The following ADAM22 variants were observed in gnomAD, a reference collection of about 807,000 sequenced individuals.
The protein encoded by ADAM22 is ADAM metallopeptidase domain 22.
ADAM22 carries 65 observed loss-of-function variants against 144.6 expected under a neutral mutation model. The ratio of observed to expected loss-of-function variants is 0.45; its 90% CI spans 0.37 to 0.55. The LOEUF (loss-of-function observed/expected upper bound fraction) is 0.55, where lower values mean the gene tolerates loss of function less well. Among genes scored for constraint, ADAM22 ranks in the 20% least tolerant of loss-of-function variants. The probability of loss-of-function intolerance (pLI) is 0.00; values close to 1 mark genes in which losing one functional copy is unlikely to be tolerated. For synonymous variants in ADAM22, 391 were observed against 412.6 expected, an observed-to-expected ratio of 0.95 and a Z score of 0.63; for missense variants, 974 against 1,184.9, an observed-to-expected ratio of 0.82 and a Z score of 2.61.
chr7:88,131,517 C>A, intron 11 of ADAM22, 82 bp downstream of exon 11: 1 of 1,407,342 alleles, frequency 7.1e-7, no homozygotes, highest in Non-Finnish European at 9.9e-7. Context: ...ATCCTTTCTG[C>A]TACATAACAC....
rs923467106 is a variant in ADAM22, at chr7:87,934,324, G to A, written c.-142G>A. 1.7e-5 allele frequency: 12 copies of A among 686,958 alleles called. No individual in the cohort carries two copies. The Admixed American group carries it at 3.1e-4, about 18-fold the overall frequency. The allele number at this position is 686,958 out of a possible 1,614,324, so 42.6% of individuals were successfully genotyped here. A position where few individuals can be genotyped will look rare whatever the true frequency, so the allele number is the denominator to read the frequency against. ...GCACTGAGCCGCGGTGGAGGTTGCA[G>A]CGCCACGGCCGCCGCAGCACCGGCC... is the stretch of plus-strand genomic sequence containing the variant. On this transcript the variant is annotated 5_prime_UTR_variant, in exon 1 of 32. Transcript: ENST00000413139.
At chr7:88,095,070 A>G (rs1012187617) in intron 4 of ADAM22, among the ~76,000 whole-genome samples, 1 of 152,196 alleles carries the variant, frequency 6.6e-6, no homozygotes, top group African/African-American at 2.4e-5. Flanking sequence ...TTCTGATATC[A>G]TTATTGAGGT....
At chr7:88,055,751 A>G (rs1296821773) in intron 3 of ADAM22, among the ~76,000 whole-genome samples, 1 of 152,172 alleles carries the variant, frequency 6.6e-6, no homozygotes, top group African/African-American at 2.4e-5. Flanking sequence ...CACTCGAGGG[A>G]GAGGCTCCCT....
chr7:87,970,103 T>C (rs1334558212), intron 2 of ADAM22, among the ~76,000 whole-genome samples: 1 of 152,186 alleles, frequency 6.6e-6, no homozygotes, highest in Non-Finnish European at 1.5e-5. Flanking sequence ...CACAACAAAT[T>C]CTAGAATGAG....
At chr7:87,993,487 A>T in intron 3 of ADAM22, among the ~76,000 whole-genome samples, 1 of 152,218 alleles carries the variant, frequency 6.6e-6, no homozygotes, top group East Asian at 1.9e-4. Flanking sequence ...AGCCCTGGGC[A>T]CACTGTGAAA....
In ADAM22 at chr7:88,182,005, C is replaced by G; in HGVS notation, c.2644C>G (p.Pro882Ala). The G allele has an allele frequency of 6.2e-7, 1 of 1,613,682 alleles. No individual in the cohort carries two copies. The highest frequency in any genetic ancestry group is 8.5e-7 in the Non-Finnish European group (1 of 1,179,728). The change falls in exon 29 of 32, where the codon CCT (proline) becomes GCT (alanine). Residue 882 changes from proline (P) to alanine (A), a missense_variant. By Grantham distance (27) the Pro-to-Ala change is conservative. Coordinates refer to ENST00000413139, the MANE Select transcript of ADAM22 (RefSeq NM_001324418.2). ...KKKIRGKRFR[P>A]RSNSTEYLNP... is the part of the protein sequence containing the mutation. ...GAAAATCAGAGGCAAAAGATTTAGA[C>G]CTCGGTCTAATTCAACTGAGTAAGT...
chr7:87,979,505 A>G (rs1852775397), intron 3 of ADAM22, among the ~76,000 whole-genome samples: 2 of 152,158 alleles, frequency 1.3e-5, no homozygotes. Context: ...TCACCATTTA[A>G]TATATAGGTG....
chr7:88,165,269 C>T (rs973334925), intron 23 of ADAM22, among the ~76,000 whole-genome samples: 2 of 152,092 alleles, frequency 1.3e-5, no homozygotes, highest in East Asian at 3.9e-4. Context: ...ATACTCAATT[C>T]GTGGGAGTTC....
intron 2 of ADAM22, among the ~76,000 whole-genome samples, chr7:87,962,550 C>T (rs1848219586): frequency 1.3e-5 from 2 of 152,078 alleles, no homozygotes; most frequent in East Asian, 1.9e-4. Flanking sequence ...GTTCACACTG[C>T]TTACACTTTT....
At chr7:88,062,422 C>T (rs1180926185) in intron 3 of ADAM22, among the ~76,000 whole-genome samples, 2 of 152,216 alleles carry the variant, frequency 1.3e-5, no homozygotes, top group Non-Finnish European at 2.9e-5. Context: ...TCTTCTGCAA[C>T]TTCCTCATGT....
chr7:88,114,411 A>G (rs1431658297), intron 5 of ADAM22, among the ~76,000 whole-genome samples, 173 bp from the exon 6 acceptor site: 2 of 152,118 alleles, frequency 1.3e-5, no homozygotes, highest in South Asian at 4.1e-4. Context: ...AGGAATCAGA[A>G]GGAGGGGCCT....
chr7:88,125,558 C>A, intron 7 of ADAM22, 31 bp from the exon 8 acceptor site: 2 of 1,520,982 alleles, frequency 1.3e-6, no homozygotes, highest in Non-Finnish European at 1.8e-6. Context: ...GACAAATGCA[C>A]TAAGTTAAAT....
chr7:88,012,174 T>G (rs973866739), intron 3 of ADAM22, among the ~76,000 whole-genome samples: 1 of 152,184 alleles, frequency 6.6e-6, no homozygotes, highest in Middle Eastern at 3.2e-3. Context: ...GTTAACAGTG[T>G]TTTTGACTGC....
intron 12 of ADAM22, among the ~76,000 whole-genome samples, chr7:88,133,803 G>A (rs1023034149): frequency 2.0e-5 from 3 of 152,148 alleles, no homozygotes; most frequent in East Asian, 3.8e-4. Flanking sequence ...TTAAGAGGCT[G>A]CAAATTGAAA....
chr7:87,962,564 T>A (rs1384465849), intron 2 of ADAM22, among the ~76,000 whole-genome samples: 1 of 152,144 alleles, frequency 6.6e-6, no homozygotes, highest in Admixed American at 6.5e-5. Flanking sequence ...CACTTTTTTT[T>A]AATCATGTGG....
At chr7:88,124,466 C>T (rs1165595443) in intron 7 of ADAM22, among the ~76,000 whole-genome samples, 3 of 151,090 alleles carry the variant, frequency 2.0e-5, no homozygotes, top group Non-Finnish European at 3.0e-5. Context: ...GGTGTATCTT[C>T]TTCCATACTT....
At position 88,050,182 on chromosome 7, in the gene ADAM22, G is replaced by A. The variant is rs116088263; in HGVS notation, c.324-25444G>A. Among the ~76,000 whole-genome samples, 1,203 of 143,882 alleles carry A rather than the reference G, an allele frequency of 8.4e-3. 18 individuals are homozygous for A. Among genetic ancestry groups the A allele is most frequent in the African/African-American group, 0.03 (1,158 of 38,302 alleles). The allele number at this position is 143,882 out of a possible 152,430, so 94.4% of individuals were successfully genotyped here. ...GAAGATAACTTGAAGCCAAGAGTTC[G>A]AGAACAGCTTGGGCAGCATAGCAAG... On this transcript the variant is annotated intron_variant, in intron 3 of 31. Coordinates refer to ENST00000413139, the MANE Select transcript of ADAM22 (RefSeq NM_001324418.2).
Position 88,075,641 on chromosome 7 carries a change from T to C in ADAM22, c.339T>C (p.Ser113=), listed in dbSNP as rs781312015. 6.2e-7 allele frequency: 1 copy of C among 1,613,766 alleles called. No individual in the cohort carries two copies. Among genetic ancestry groups the C allele is most frequent in the South Asian group, 1.1e-5 (1 of 91,054 alleles). Residue 113 remains serine (S), a synonymous_variant, in exon 4 of 32, where the codon TCT becomes TCC. Transcript: ENST00000413139. ...GTTGTTGCAGTGATTTGCTGTCCTC[T>C]GAATACATAGAGAGACACATTGAAC... ...DVVLNHDLLS[S]EYIERHIEHG...
At chr7:88,155,251 C>A (rs556847488) in intron 21 of ADAM22, among the ~76,000 whole-genome samples, 11 of 152,002 alleles carry the variant, frequency 7.2e-5, no homozygotes, top group Non-Finnish European at 1.6e-4. Context: ...TGTCTGGGCA[C>A]AGCATCTCAT....
Sources: gnomAD v4.1 joint callset for allele counts (sites outside exome capture counted in the v4.1 genomes callset) on GRCh38, gnomAD v4.1.1 for gene constraint, MANE v1.5 for transcripts, NCBI Gene and HGNC (gene_info 2026-07-23, HGNC 2026-07-21) for gene names.